The following DCAF6 variants were observed in gnomAD, a reference collection of about 807,000 sequenced individuals.
DCAF6 encodes DDB1- and CUL4-associated factor 6.
In DCAF6, 54 loss-of-function variants were observed where a neutral mutation model predicts 125.1. The observed-to-expected ratio is 0.43, with a 90% CI of 0.35 to 0.54. The LOEUF is 0.54. Among genes scored for constraint, DCAF6 ranks in the 20% least tolerant of loss-of-function variants. The pLI is 0.01. For synonymous variants in DCAF6, 371 were observed against 390.4 expected (o/e 0.95, Z 0.58); for missense variants, 934 against 1,161.7 (o/e 0.80, Z 2.85).
At chr1:167,972,339 C>A (rs1206852317) in intron 3 of DCAF6, among the ~76,000 whole-genome samples, 1 of 152,160 alleles carries the variant, frequency 6.6e-6, no homozygotes, top group African/African-American at 2.4e-5. Flanking sequence ...AATAATAATT[C>A]TTTGAACAAT....
the DCAF6 span, among the ~76,000 whole-genome samples, chr1:167,899,798 T>A: frequency 2.0e-5 from 3 of 152,202 alleles, no homozygotes; most frequent in Non-Finnish European, 2.9e-5. Flanking sequence ...GGCTCGGGCC[T>A]TCCAAAGCTC....
At chr1:167,942,203 T>A (rs1430414458) in intron 1 of DCAF6, among the ~76,000 whole-genome samples, 2 of 152,090 alleles carry the variant, frequency 1.3e-5, no homozygotes, top group African/African-American at 4.8e-5. Flanking sequence ...GTAGCTGGGA[T>A]ATGGGCATGC....
chr1:167,911,738 G>A, the DCAF6 span, among the ~76,000 whole-genome samples: 1 of 152,312 alleles, frequency 6.6e-6, no homozygotes, highest in East Asian at 1.9e-4. Context: ...TTATGTTCAA[G>A]TGCTATTTCT....
intron 2 of DCAF6, among the ~76,000 whole-genome samples, chr1:167,964,245 AT>A (rs755082324): frequency 1.7e-3 from 258 of 152,332 alleles, no homozygotes; most frequent in Middle Eastern, 6.8e-3. Context: ...CTGGCAACAA[AT>A]TCCCTCAATG....
intron 10 of DCAF6, among the ~76,000 whole-genome samples, chr1:168,014,823 C>T (rs1194490471): frequency 6.6e-6 from 1 of 152,160 alleles, no homozygotes; most frequent in African/African-American, 2.4e-5. Context: ...GTGGTTTACT[C>T]GCTTATTTCC....
chr1:167,947,537 A>G (rs912103136), intron 1 of DCAF6, among the ~76,000 whole-genome samples: 2 of 152,140 alleles, frequency 1.3e-5, no homozygotes, highest in African/African-American at 4.8e-5. Context: ...CTTTTGCTGT[A>G]TCCCACAGGT....
intron 7 of DCAF6, among the ~76,000 whole-genome samples, chr1:168,000,172 A>T (rs966044248): frequency 6.6e-6 from 1 of 152,168 alleles, no homozygotes; most frequent in Non-Finnish European, 1.5e-5. Flanking sequence ...TCAGTGAAGC[A>T]GTCAGAATAC....
chr1:167,973,064 G>T (rs780737563), intron 3 of DCAF6, among the ~76,000 whole-genome samples: 2 of 152,222 alleles, frequency 1.3e-5, no homozygotes. Flanking sequence ...ACTAATGGCT[G>T]TATGTAGTGT....
the DCAF6 span, among the ~76,000 whole-genome samples, chr1:167,923,521 T>C: frequency 1.3e-5 from 2 of 152,016 alleles, no homozygotes; most frequent in South Asian, 4.1e-4. Flanking sequence ...GAAGGTAGAA[T>C]GGTGGTTGCC....
the DCAF6 span, among the ~76,000 whole-genome samples, chr1:167,889,234 T>C: frequency 3.3e-5 from 5 of 152,210 alleles, no homozygotes; most frequent in Admixed American, 6.5e-5. Context: ...TTTTCTTATG[T>C]TGAGGTATGT....
At chr1:168,006,098 A>C (rs1164174277) in intron 10 of DCAF6, among the ~76,000 whole-genome samples, 2 of 152,166 alleles carry the variant, frequency 1.3e-5, no homozygotes, top group Non-Finnish European at 2.9e-5. Flanking sequence ...TCTAGCTTAC[A>C]TTCAGCTTCC....
chr1:168,021,394 G>GT (rs1325076908), intron 11 of DCAF6, among the ~76,000 whole-genome samples: 8 of 151,788 alleles, frequency 5.3e-5, no homozygotes, highest in South Asian at 4.2e-4. Context: ...CATTTTTCTT[G>GT]TTTTTTTAAA....
intron 2 of DCAF6, among the ~76,000 whole-genome samples, chr1:167,954,194 C>T (rs1310338997): frequency 2.6e-5 from 4 of 151,892 alleles, no homozygotes; most frequent in African/African-American, 4.8e-5. Flanking sequence ...CTAGTAGAGA[C>T]GGGGTTTCGC....
chr1:168,038,692 G>T (rs532394095), intron 13 of DCAF6, among the ~76,000 whole-genome samples: 1 of 152,046 alleles, frequency 6.6e-6, no homozygotes, highest in South Asian at 2.1e-4. Flanking sequence ...TGGAGTGGGG[G>T]TCTGAGAATT....
the DCAF6 span, among the ~76,000 whole-genome samples, chr1:167,929,841 C>CTTA: frequency 6.6e-6 from 1 of 152,178 alleles, no homozygotes; most frequent in Non-Finnish European, 1.5e-5. Flanking sequence ...AAGTTTCTTA[C>CTTA]TGAATGCTAA....
the DCAF6 span, among the ~76,000 whole-genome samples, chr1:167,885,069 A>G: frequency 6.6e-6 from 1 of 152,184 alleles, no homozygotes; most frequent in Non-Finnish European, 1.5e-5. Flanking sequence ...GGTTTATTTC[A>G]CTTAATATAA....
chr1:167,933,330 G>A (rs1396421077), upstream of DCAF6, among the ~76,000 whole-genome samples: 1 of 152,014 alleles, frequency 6.6e-6, no homozygotes, highest in African/African-American at 2.4e-5. Context: ...ACTACACCCG[G>A]CTAATTTTTG....
chr1:167,919,950 A>C, the DCAF6 span: 2 of 1,540,212 alleles, frequency 1.3e-6, no homozygotes, highest in Non-Finnish European at 1.8e-6. Context: ...CTTTTGCAAC[A>C]GTTTTAAAAA....
chr1:167,886,578 C>A, the DCAF6 span, among the ~76,000 whole-genome samples: 1 of 152,072 alleles, frequency 6.6e-6, no homozygotes, highest in Non-Finnish European at 1.5e-5. Flanking sequence ...AATGTTAGAC[C>A]TAAAACCATA....
Sources: gnomAD v4.1 joint callset for allele counts (sites outside exome capture counted in the v4.1 genomes callset) on GRCh38, gnomAD v4.1.1 for gene constraint, MANE v1.5 for transcripts, NCBI Gene and HGNC (gene_info 2026-07-23, HGNC 2026-07-21) for gene names.